Variants in ANO1 observed in about 807,000 individuals in gnomAD.
ANO1 encodes the protein anoctamin-1.
A neutral mutation model predicts 124.0 loss-of-function variants in ANO1; 59 were observed. The ratio of observed to expected loss-of-function variants is 0.48; its 90% CI spans 0.39 to 0.59. ANO1 has a LOEUF of 0.59. ANO1 is among the 20% of genes least tolerant of loss of function. The pLI is 0.00. For missense variants in ANO1, 1,059 were observed against 1,328.0 expected (o/e 0.80, Z 3.15); for synonymous variants, 529 against 532.0 (o/e 0.99, Z 0.08).
chr11:70,172,346 T>C (rs1417321625), intron 22 of ANO1, among the ~76,000 whole-genome samples: 1 of 152,082 alleles, frequency 6.6e-6, no homozygotes. Context: ...CCATCTTGTC[T>C]TATAGTAGGA....
chr11:70,177,668 C>A (rs1215403465), intron 22 of ANO1, among the ~76,000 whole-genome samples: 1 of 133,638 alleles, frequency 7.5e-6, no homozygotes, highest in Non-Finnish European at 1.5e-5. Context: ...GGCGCGATCT[C>A]GGCTCACTGC....
At chr11:70,170,696 G>A (rs145597863) in intron 21 of ANO1, among the ~76,000 whole-genome samples, 191 bp from the exon 22 acceptor site, 2 of 152,330 alleles carry the variant, frequency 1.3e-5, no homozygotes, top group Non-Finnish European at 2.9e-5. Context: ...CTGGCCTGGA[G>A]GTCACCCAGG....
intron 1 of ANO1, among the ~76,000 whole-genome samples, chr11:70,017,982 C>A (rs1320735029): frequency 6.6e-6 from 1 of 152,132 alleles, no homozygotes; most frequent in Non-Finnish European, 1.5e-5. Flanking sequence ...AGATCAGCTT[C>A]CCCAACCATC....
intron 4 of ANO1, 36 bp downstream of exon 4, chr11:70,104,186 C>A (rs780345273): frequency 6.3e-7 from 1 of 1,587,970 alleles, no homozygotes; most frequent in East Asian, 2.2e-5. Context: ...CCCAAAGGGT[C>A]CTGTGTGTGG....
At chr11:70,139,095 T>G (rs1056472451) in intron 11 of ANO1, among the ~76,000 whole-genome samples, 1 of 152,224 alleles carries the variant, frequency 6.6e-6, no homozygotes, top group African/African-American at 2.4e-5. Flanking sequence ...GCTCCATCCA[T>G]GTTGCTGCAA....
At chr11:70,017,202 A>G (rs1856717680) in intron 1 of ANO1, among the ~76,000 whole-genome samples, 1 of 152,208 alleles carries the variant, frequency 6.6e-6, no homozygotes, top group African/African-American at 2.4e-5. Flanking sequence ...AACAAAGGCC[A>G]GACGCCCTAA....
chr11:70,024,295 T>C (rs1298352009), intron 1 of ANO1, among the ~76,000 whole-genome samples: 1 of 152,170 alleles, frequency 6.6e-6, no homozygotes, highest in Non-Finnish European at 1.5e-5. Context: ...CACTAGCAGA[T>C]CCCTGAGACC....
chr11:70,073,931 G>A (rs529541670), upstream of ANO1, among the ~76,000 whole-genome samples: 76 of 146,106 alleles, frequency 5.2e-4, no homozygotes, highest in African/African-American at 1.5e-3. Flanking sequence ...GAGTCCCGCC[G>A]TCAAGCTGCG....
intron 1 of ANO1, among the ~76,000 whole-genome samples, chr11:70,001,259 C>A (rs4411302): frequency 0.24 from 36,440 of 152,104 alleles, 4,569 homozygotes; most frequent in African/African-American, 0.3. Context: ...AAATAGAATG[C>A]TCAGTAAACA....
At position 70,126,138 on chromosome 11, in the gene ANO1, T is replaced by C. The variant is rs767798144; in HGVS notation, c.1040T>C (p.Ile347Thr). 6.2e-7 allele frequency: 1 copy of C among 1,613,728 alleles called. No homozygotes were observed. Among genetic ancestry groups the C allele is most frequent in the South Asian group, 1.1e-5 (1 of 91,002 alleles). The change falls in exon 10 of 26, where the codon ATC (isoleucine) becomes ACC (threonine). Residue 347 changes from isoleucine to threonine, a missense_variant. This residue lies in a region of ANO1 where 809 missense variants were observed against 1,094.9 expected (regional missense o/e 0.74). Transcript: ENST00000355303. Reference sequence around the variant, plus strand: ...ACCCAGATGCTCATCCCTGCCTCCATCGTGGGAATCATTGTCTTCCTGTAC... The same window carrying C: ...ACCCAGATGCTCATCCCTGCCTCCACCGTGGGAATCATTGTCTTCCTGTAC... ...VYTQMLIPAS[I>T]VGIIVFLYGC...
At position 70,155,999 on chromosome 11, in the gene ANO1, A is replaced by G. The variant is rs1460938674; in HGVS notation, c.1503+11A>G. ...GCGGGGGTGAAATTGGTACTTTTCT[A>G]TTTTGCGGGCAGCGCGCGTCTTGAC... On this transcript the variant is annotated intron_variant, in intron 15 of 25. Coordinates refer to ENST00000355303, the MANE Select transcript of ANO1 (RefSeq NM_018043.7). 3 of 1,510,586 alleles carry G rather than the reference A, an allele frequency of 2.0e-6. No individual in the cohort carries two copies. Among genetic ancestry groups the G allele is most frequent in the Admixed American group, 2.4e-5 (1 of 41,020 alleles). The allele number at this position is 1,510,586 out of a possible 1,614,324, so 93.6% of individuals were successfully genotyped here. A position where few individuals can be genotyped will look rare whatever the true frequency, so the allele number is the denominator to read the frequency against.
intron 1 of ANO1, among the ~76,000 whole-genome samples, chr11:69,990,416 C>T (rs1264424955): frequency 1.3e-5 from 2 of 152,174 alleles, no homozygotes; most frequent in Non-Finnish European, 2.9e-5. Flanking sequence ...TGGGTTATTT[C>T]CACCTTTTGG....
chr11:70,180,607 C>T (rs139947379), intron 23 of ANO1, among the ~76,000 whole-genome samples: 287 of 152,172 alleles, frequency 1.9e-3, no homozygotes, highest in African/African-American at 6.7e-3. Context: ...CTCCACCATG[C>T]CCACCTTCGC....
intron 1 of ANO1, chr11:70,015,007 G>C (rs1315613062): frequency 6.6e-6 from 1 of 152,146 alleles, no homozygotes; most frequent in Non-Finnish European, 1.5e-5. Context: ...GAGAGAAGAG[G>C]TGGCCAGGTC....
At chr11:70,079,020 G>A (rs2044122185) in intron 1 of ANO1, among the ~76,000 whole-genome samples, 1 of 152,130 alleles carries the variant, frequency 6.6e-6, no homozygotes, top group African/African-American at 2.4e-5. Context: ...CCTCACCCGG[G>A]GCTGCAGCTC....
At chr11:70,165,311 C>T in intron 19 of ANO1, 159 bp from the exon 20 acceptor site, 1 of 640,514 alleles carries the variant, frequency 1.6e-6, no homozygotes, top group Non-Finnish European at 2.7e-6. Flanking sequence ...ACCCTTTTTG[C>T]AAATAAGGCC....
At chr11:70,009,014 C>A (rs184005175) in intron 1 of ANO1, among the ~76,000 whole-genome samples, 1 of 152,228 alleles carries the variant, frequency 6.6e-6, no homozygotes, top group African/African-American at 2.4e-5. Context: ...AGACTAAGGC[C>A]TGTTCCACAT....
rs2044096826 is a variant in ANO1 at position 70,078,481 on chromosome 11, G to C, written c.-126G>C. On this transcript the variant is annotated 5_prime_UTR_variant, in exon 1 of 26. Transcript: ENST00000355303. ...AGGCGGCCACGTCCCCGGCGGGCCT[G>C]GGCGCGGGGAGGCCCGGCCCCCTGC... 1 of 281,588 alleles carries C rather than the reference G, an allele frequency of 3.6e-6. No individual in the cohort carries two copies. The highest frequency in any genetic ancestry group is 5.4e-6 in the Non-Finnish European group (1 of 184,050). 17.4% of individuals were successfully genotyped at this position (281,588 alleles called of 1,614,324 possible).
Position 70,090,139 on chromosome 11 carries a change from G to A in ANO1, c.441+2055G>A, listed in dbSNP as rs2044569417. Among the ~76,000 whole-genome samples the A allele has an allele frequency of 2.6e-5, 4 of 152,302 alleles. No homozygotes were observed. In the South Asian group the frequency reaches 8.3e-4, roughly 32 times the overall value. ...CGAGTTCACGCCTTCTCCTGCCTCA[G>A]CGGGACTACAGGCGCCCGCCGTCAC... On this transcript the variant is annotated intron_variant, in intron 2 of 25. Coordinates refer to ENST00000355303, the MANE Select transcript of ANO1 (RefSeq NM_018043.7).
Sources: gnomAD v4.1 joint callset for allele counts (sites outside exome capture counted in the v4.1 genomes callset) on GRCh38, gnomAD v4.1.1 for gene constraint, gnomAD v4.1.1 regional missense constraint, MANE v1.5 for transcripts, NCBI Gene and HGNC (gene_info 2026-07-23, HGNC 2026-07-21) for gene names.